Variants in FAAH2 observed in about 807,000 individuals in gnomAD.
FAAH2 encodes fatty acid amide hydrolase 2, also known as fatty-acid amide hydrolase 2.
FAAH2 carries 60 observed loss-of-function variants against 36.9 expected under a neutral mutation model. The observed-to-expected ratio is 1.63, with a 90% CI of 1.32 to 2.02. The LOEUF (loss-of-function observed/expected upper bound fraction) is 2.02. Ranked by LOEUF, FAAH2 falls within the 30% of genes most tolerant of loss-of-function variation. The probability of loss-of-function intolerance (pLI) is 0.00; values close to 1 mark genes in which losing one functional copy is unlikely to be tolerated. For synonymous variants in FAAH2, 214 were observed against 143.8 expected, an observed-to-expected ratio of 1.49 and a Z score of -3.49; for missense variants, 689 against 397.5, an observed-to-expected ratio of 1.73 and a Z score of -6.23.
chrX:57,363,192 C>T (rs979831404), intron 5 of FAAH2, among the ~76,000 whole-genome samples: 1 of 111,803 alleles, frequency 8.9e-6, no homozygotes, highest in South Asian at 3.7e-4. Context: ...AATATTAATT[C>T]TTCAAATTCA....
intron 6 of FAAH2, among the ~76,000 whole-genome samples, chrX:57,379,630 A>G (rs536993137): frequency 1.4e-3 from 152 of 109,750 alleles, no homozygotes; most frequent in African/African-American, 4.9e-3. Flanking sequence ...AAAAAGAGAC[A>G]ACATTTTTTT....
chrX:57,257,961 G>GA, the FAAH2 span, among the ~76,000 whole-genome samples: 1 of 111,673 alleles, frequency 9.0e-6, no homozygotes, highest in Non-Finnish European at 1.9e-5. Context: ...TACAGAAATA[G>GA]AAAAAAATTA....
chrX:57,323,333 T>A (rs1307653200), intron 3 of FAAH2, among the ~76,000 whole-genome samples: 1 of 111,693 alleles, frequency 9.0e-6, no homozygotes, highest in Admixed American at 9.6e-5. Flanking sequence ...ATTTACAATC[T>A]TTTGGGTATA....
intron 1 of FAAH2, 68 bp downstream of exon 1, chrX:57,287,085 G>A: frequency 9.6e-7 from 1 of 1,047,084 alleles, no homozygotes; most frequent in Non-Finnish European, 1.3e-6. Flanking sequence ...GCTTAGTGGT[G>A]GCGGTGGTTG....
the FAAH2 span, among the ~76,000 whole-genome samples, chrX:57,204,503 C>T: frequency 5.3e-4 from 59 of 112,219 alleles, no homozygotes; most frequent in African/African-American, 1.8e-3. Context: ...AAAATCTCTT[C>T]TTCAGCATCT....
At position 57,485,483 on chromosome X, in the gene FAAH2, G is replaced by A. The variant is rs547149174; in HGVS notation, c.1424-3274G>A. Reference sequence around the variant, plus strand: ...CCTGTTGCTTCTTTGTACTTCAGCTGTGGTATCTGTGCTGAAGGCTGCAGA... The same window carrying A: ...CCTGTTGCTTCTTTGTACTTCAGCTATGGTATCTGTGCTGAAGGCTGCAGA... On this transcript the variant is annotated intron_variant, in intron 10 of 10. Transcript: ENST00000374900. Among the ~76,000 whole-genome samples the A allele has an allele frequency of 1.2e-4, 13 of 111,918 alleles. No homozygotes were observed. In the South Asian group the frequency reaches 4.9e-3, roughly 42 times the overall value.
the FAAH2 span, among the ~76,000 whole-genome samples, chrX:57,207,666 T>C: frequency 5.3e-5 from 6 of 112,489 alleles, no homozygotes; most frequent in Non-Finnish European, 1.1e-4. Flanking sequence ...ACAATTTGAA[T>C]TTCCCCATTG....
At position 57,286,714 on chromosome X, in the gene FAAH2, G is replaced by T; in HGVS notation, c.-112G>T. 1.3e-6 allele frequency: 1 copy of T among 777,506 alleles called. No homozygotes were observed. The highest frequency in any genetic ancestry group is 4.9e-5 in the South Asian group (1 of 20,570). 64.1% of individuals were successfully genotyped at this position (777,506 alleles called of 1,213,427 possible). A position where few individuals can be genotyped will look rare whatever the true frequency, so the allele number is the denominator to read the frequency against. On this transcript the variant is annotated 5_prime_UTR_variant, in exon 1 of 11. Transcript: ENST00000374900. ...CCTGTGGAATTGTGGGTAGACACTG[G>T]ACTTGTAAACGAAAAGCTTCATAAG...
intron 7 of FAAH2, among the ~76,000 whole-genome samples, chrX:57,401,445 T>C (rs949149277): frequency 1.8e-5 from 2 of 111,764 alleles, no homozygotes; most frequent in African/African-American, 6.5e-5. Context: ...CTCTGCTTCC[T>C]CTGACATTTG....
At chrX:57,240,408 C>A in the FAAH2 span, among the ~76,000 whole-genome samples, 1 of 111,711 alleles carries the variant, frequency 9.0e-6, no homozygotes, top group Non-Finnish European at 1.9e-5. Context: ...CTGGATGGGC[C>A]AAGGTGCTCC....
intron 10 of FAAH2, among the ~76,000 whole-genome samples, chrX:57,480,299 G>T (rs2057356286): frequency 9.0e-6 from 1 of 111,695 alleles, no homozygotes; most frequent in Non-Finnish European, 1.9e-5. Context: ...GCCGGGCAAA[G>T]ACACAACCAA....
chrX:57,455,070 A>G (rs2056844420), intron 10 of FAAH2, among the ~76,000 whole-genome samples: 1 of 111,935 alleles, frequency 8.9e-6, no homozygotes, highest in Admixed American at 9.5e-5. Context: ...GGTTACCTAC[A>G]AAGTAAACCC....
chrX:57,351,377 C>A (rs2053994880), intron 5 of FAAH2, among the ~76,000 whole-genome samples: 1 of 110,055 alleles, frequency 9.1e-6, no homozygotes, highest in Admixed American at 9.7e-5. Context: ...GGCTTACGTC[C>A]AAAAAAAGTA....
chrX:57,135,613 A>T, the FAAH2 span: 3 of 870,708 alleles, frequency 3.4e-6, no homozygotes, highest in East Asian at 1.0e-4. Flanking sequence ...AACACACCCG[A>T]ACTTTTCAAC....
chrX:57,387,567 A>T (rs988566077), intron 7 of FAAH2, among the ~76,000 whole-genome samples: 12 of 111,380 alleles, frequency 1.1e-4, no homozygotes, highest in Non-Finnish European at 2.1e-4. Flanking sequence ...AAATTACAGA[A>T]CTTTACTAAG....
intron 10 of FAAH2, among the ~76,000 whole-genome samples, chrX:57,477,226 T>G (rs1281131519): frequency 9.0e-6 from 1 of 111,084 alleles, no homozygotes; most frequent in Non-Finnish European, 1.9e-5. Flanking sequence ...TCTTAGTTAT[T>G]TGTTTTTTAA....
chrX:57,271,597 C>T, the FAAH2 span, among the ~76,000 whole-genome samples: 4 of 112,212 alleles, frequency 3.6e-5, no homozygotes, highest in Non-Finnish European at 7.5e-5. Context: ...TGCTCTGCAG[C>T]CTCCACTGGT....
the FAAH2 span, chrX:57,136,903 G>A: frequency 2.9e-6 from 2 of 690,872 alleles, no homozygotes. Context: ...ACTGCCACTA[G>A]CATCCACTCC....
chrX:57,288,338 C>CTTTTTTT lies in FAAH2; in HGVS notation c.192+1344_192+1350dup, dbSNP rs771871081. 5.5e-4 allele frequency among the ~76,000 whole-genome samples: 22 copies of CTTTTTTT among 40,349 alleles called. 4 individuals carry two copies. The highest frequency in any genetic ancestry group is 2.2e-3 in the African/African-American group (16 of 7,302). The allele number at this position is 40,349 out of a possible 115,157, so 35.0% of individuals were successfully genotyped here. ...TAGCTCTGTGATCTTAAAAACATTT[C>CTTTTTTT]TTTTTTTTTTTTTTTTTTTTTTTTT... On this transcript the variant is annotated intron_variant, in intron 1 of 10. Coordinates refer to ENST00000374900, the MANE Select transcript of FAAH2 (RefSeq NM_174912.4).
Sources: allele counts gnomAD v4.1 joint callset (sites outside exome capture counted in the v4.1 genomes callset), GRCh38; gene constraint gnomAD v4.1.1; transcripts MANE v1.5; gene names NCBI Gene and HGNC (gene_info 2026-07-23, HGNC 2026-07-21).